The following FRMD4A variants were observed in gnomAD, a reference collection of about 807,000 sequenced individuals.
FRMD4A encodes the protein FERM domain-containing protein 4A.
A neutral mutation model predicts 129.1 loss-of-function variants in FRMD4A; 29 were observed. The ratio of observed to expected loss-of-function variants is 0.22; its 90% CI spans 0.17 to 0.31. The LOEUF (loss-of-function observed/expected upper bound fraction) is 0.31. Ranked by LOEUF, FRMD4A falls within the 10% of genes least tolerant of loss-of-function variation. The probability of loss-of-function intolerance (pLI) is 1.00; values close to 1 mark genes in which losing one functional copy is unlikely to be tolerated. For synonymous variants in FRMD4A, 634 were observed against 571.6 expected, an observed-to-expected ratio of 1.11 and a Z score of -1.56; for missense variants, 1,272 against 1,375.8, an observed-to-expected ratio of 0.92 and a Z score of 1.19.
At chr10:13,654,601 C>T (rs2081980185) in intron 22 of FRMD4A, 89 bp from the exon 23 acceptor site, 2 of 798,650 alleles carry the variant, frequency 2.5e-6, no homozygotes, top group African/African-American at 3.4e-5. Flanking sequence ...GACACCAACC[C>T]AGTGGCCAGA....
intron 2 of FRMD4A, among the ~76,000 whole-genome samples, chr10:14,069,703 A>G (rs1588905491): frequency 1.3e-5 from 2 of 152,104 alleles, no homozygotes; most frequent in Admixed American, 1.3e-4. Flanking sequence ...TAATAATATG[A>G]TTTACTATTA....
intron 2 of FRMD4A, among the ~76,000 whole-genome samples, chr10:14,185,643 G>C (rs781183712): frequency 6.6e-6 from 1 of 152,216 alleles, no homozygotes; most frequent in Non-Finnish European, 1.5e-5. Flanking sequence ...TCAGAGAGCT[G>C]CAGGGGCGGT....
chr10:14,036,483 G>A lies in FRMD4A; in HGVS notation c.46-177571C>T, dbSNP rs147886171. On this transcript the variant is annotated intron_variant, in intron 2 of 24. Transcript: ENST00000357447. The stretch of plus-strand genomic sequence containing the variant: ...GGGACAAAGCCAGGCCAAGGGGAGC[G>A]GAGTATAGTGATGCTTGTTTCACTT... 1.3e-4 allele frequency among the ~76,000 whole-genome samples: 20 copies of A among 152,316 alleles called. No individual in the cohort carries two copies. The East Asian group carries it at 2.3e-3, about 18-fold the overall frequency.
intron 9 of FRMD4A, among the ~76,000 whole-genome samples, chr10:13,740,902 C>T (rs1381298911): frequency 1.4e-5 from 2 of 138,970 alleles, no homozygotes; most frequent in African/African-American, 2.8e-5. Context: ...TCTTGGTTCA[C>T]TGCAACCTCC....
At chr10:13,815,875 T>C (rs2093533749) in intron 3 of FRMD4A, among the ~76,000 whole-genome samples, 1 of 152,094 alleles carries the variant, frequency 6.6e-6, no homozygotes, top group East Asian at 1.9e-4. Context: ...TTCACCAGAG[T>C]AATGGATACC....
chr10:14,318,302 C>T (rs996495669), intron 2 of FRMD4A, among the ~76,000 whole-genome samples: 4 of 151,170 alleles, frequency 2.6e-5, no homozygotes, highest in Admixed American at 1.3e-4. Context: ...CATTGCAGTC[C>T]TGATACCAAG....
intron 2 of FRMD4A, among the ~76,000 whole-genome samples, chr10:13,915,351 A>G (rs949098106): frequency 6.6e-6 from 1 of 151,814 alleles, no homozygotes; most frequent in African/African-American, 2.4e-5. Flanking sequence ...AAGGAGGACC[A>G]ACTAAGTGGA....
chr10:14,106,730 A>G (rs753678097), intron 2 of FRMD4A, among the ~76,000 whole-genome samples: 9 of 152,190 alleles, frequency 5.9e-5, no homozygotes, highest in Non-Finnish European at 1.0e-4. Context: ...AGATTTTTTT[A>G]AAAAGATCTT....
chr10:13,709,379 C>T (rs371109547), intron 12 of FRMD4A, among the ~76,000 whole-genome samples: 3 of 152,066 alleles, frequency 2.0e-5, no homozygotes, highest in Middle Eastern at 3.4e-3. Flanking sequence ...AGCCACAGAT[C>T]GTAGCACAGT....
At chr10:13,776,451 T>C (rs1159957849) in intron 6 of FRMD4A, among the ~76,000 whole-genome samples, 2 of 152,258 alleles carry the variant, frequency 1.3e-5, no homozygotes, top group African/African-American at 4.8e-5. Context: ...AACCTAAAAG[T>C]GAATCAATCA....
chr10:14,078,992 A>G (rs1046664126), intron 2 of FRMD4A, among the ~76,000 whole-genome samples: 6 of 152,198 alleles, frequency 3.9e-5, no homozygotes, highest in Non-Finnish European at 5.9e-5. Context: ...TCAGAGCTTG[A>G]GATAGTCAGA....
At chr10:13,657,787 G>GTTTTTTTTTTTTTTT (rs1204181870) in intron 21 of FRMD4A, among the ~76,000 whole-genome samples, 16 of 111,020 alleles carry the variant, frequency 1.4e-4, no homozygotes, top group African/African-American at 4.8e-4. Flanking sequence ...TCGATTTCTG[G>GTTTTTTTTTTTTTTT]GTTTTTTTTT....
intron 22 of FRMD4A, chr10:13,655,274 T>C (rs1169769002): frequency 6.6e-6 from 1 of 152,216 alleles, no homozygotes; most frequent in Non-Finnish European, 1.5e-5. Flanking sequence ...ACCTCATCTC[T>C]TTACATAAAG....
intron 2 of FRMD4A, among the ~76,000 whole-genome samples, chr10:13,920,781 G>A (rs2131256867): frequency 6.6e-6 from 1 of 152,158 alleles, no homozygotes; most frequent in South Asian, 2.1e-4. Flanking sequence ...GTTTGTTTGG[G>A]CTTGAAAGCC....
chr10:14,080,104 T>A (rs1459894902), intron 2 of FRMD4A, among the ~76,000 whole-genome samples: 1 of 152,078 alleles, frequency 6.6e-6, no homozygotes, highest in Non-Finnish European at 1.5e-5. Flanking sequence ...CCTGCCTGGG[T>A]CTGCAAAAGG....
chr10:14,260,045 A>G (rs1361690577), intron 2 of FRMD4A, among the ~76,000 whole-genome samples: 1 of 150,402 alleles, frequency 6.6e-6, no homozygotes, highest in Non-Finnish European at 1.5e-5. Context: ...AAAAAATCCC[A>G]TCTCCTTTTT....
chr10:13,934,283 A>G (rs2131293861), intron 2 of FRMD4A, among the ~76,000 whole-genome samples: 1 of 152,318 alleles, frequency 6.6e-6, no homozygotes, highest in East Asian at 1.9e-4. Context: ...GGTGTAGACA[A>G]TCTAGATTCA....
At chr10:13,774,253 G>T (rs1161124560) in intron 6 of FRMD4A, among the ~76,000 whole-genome samples, 5 of 152,208 alleles carry the variant, frequency 3.3e-5, no homozygotes, top group Non-Finnish European at 7.3e-5. Flanking sequence ...TATAAAGTAG[G>T]GGGGTGGAAG....
chr10:13,733,368 G>C (rs1331622716), intron 12 of FRMD4A, among the ~76,000 whole-genome samples: 3 of 152,212 alleles, frequency 2.0e-5, no homozygotes, highest in African/African-American at 7.2e-5. Flanking sequence ...ACATCTTAGC[G>C]GGGTGGGGGG....
Sources: allele counts gnomAD v4.1 joint callset (sites outside exome capture counted in the v4.1 genomes callset), GRCh38; gene constraint gnomAD v4.1.1; transcripts MANE v1.5; gene names NCBI Gene and HGNC (gene_info 2026-07-23, HGNC 2026-07-21).